Variants in AP3S1 observed in about 807,000 individuals in gnomAD.
AP3S1 encodes the protein AP-3 complex subunit sigma-1.
A neutral mutation model predicts 21.3 loss-of-function variants in AP3S1; 12 were observed. The observed-to-expected ratio is 0.56, with a 90% CI of 0.36 to 0.91. AP3S1 has a LOEUF of 0.91. Ranked by LOEUF, AP3S1 falls within the 40% of genes least tolerant of loss-of-function variation. The probability of loss-of-function intolerance (pLI) is 0.01; values close to 1 mark genes in which losing one functional copy is unlikely to be tolerated. For synonymous variants in AP3S1, 48 were observed against 78.4 expected (o/e 0.61, Z 2.05); for missense variants, 116 against 225.0 (o/e 0.52, Z 3.10).
At chr5:115,873,938 T>C (rs1188084791) in intron 3 of AP3S1, among the ~76,000 whole-genome samples, 1 of 152,156 alleles carries the variant, frequency 6.6e-6, no homozygotes, top group Non-Finnish European at 1.5e-5. Flanking sequence ...ACCATTCATA[T>C]AACTGGAAGC....
chr5:115,877,264 G>A (rs1034125243), intron 3 of AP3S1, among the ~76,000 whole-genome samples: 1 of 151,978 alleles, frequency 6.6e-6, no homozygotes, highest in African/African-American at 2.4e-5. Flanking sequence ...GTATACACAT[G>A]CCATGGTGGT....
intron 1 of AP3S1, among the ~76,000 whole-genome samples, chr5:115,865,602 A>G (rs886614876): frequency 2.6e-5 from 4 of 152,106 alleles, no homozygotes; most frequent in African/African-American, 9.7e-5. Flanking sequence ...CGTTGTCAAC[A>G]TTTTTTACTA....
At chr5:115,849,676 G>GCT (rs1762298027) in intron 1 of AP3S1, among the ~76,000 whole-genome samples, 1 of 152,164 alleles carries the variant, frequency 6.6e-6, no homozygotes, top group African/African-American at 2.4e-5. Flanking sequence ...GGGCAGTGAG[G>GCT]CTCTCCTCTG....
chr5:115,853,694 T>C (rs1321611842), intron 1 of AP3S1, among the ~76,000 whole-genome samples: 1 of 152,164 alleles, frequency 6.6e-6, no homozygotes, highest in Non-Finnish European at 1.5e-5. Context: ...TTTAGTTGTT[T>C]GAGCACCATT....
chr5:115,861,854 T>TC (rs1461304111), intron 1 of AP3S1, among the ~76,000 whole-genome samples: 23 of 140,146 alleles, frequency 1.6e-4, no homozygotes, highest in African/African-American at 2.1e-4. Context: ...GCCAAAATTT[T>TC]CTTTTCTTTT....
chr5:115,883,530 AC>A (rs1725861361), intron 3 of AP3S1, among the ~76,000 whole-genome samples: 1 of 152,072 alleles, frequency 6.6e-6, no homozygotes, highest in South Asian at 2.1e-4. Flanking sequence ...TTTGTTGGCT[AC>A]ACTCGCTATC....
intron 1 of AP3S1, among the ~76,000 whole-genome samples, chr5:115,849,814 T>C (rs1463703133): frequency 1.3e-5 from 2 of 151,904 alleles, no homozygotes; most frequent in Non-Finnish European, 2.9e-5. Flanking sequence ...TCCCAGCTAC[T>C]TGGGAGGGTA....
Position 115,852,051 on chromosome 5 carries a change from A to G in AP3S1, c.69+9945A>G, listed in dbSNP as rs552377788. ...CTTAGTAACTGCTGTGTAAATAATA[A>G]TGATTACTTTTATTACTGCTTGTTA... On this transcript the variant is annotated intron_variant, in intron 1 of 5. Transcript: ENST00000316788. Among the ~76,000 whole-genome samples, 5 of 152,282 alleles carry G rather than the reference A, an allele frequency of 3.3e-5. 1 individual carries two copies. The highest frequency in any genetic ancestry group is 1.2e-4 in the African/African-American group (5 of 41,576).
intron 1 of AP3S1, among the ~76,000 whole-genome samples, chr5:115,848,842 T>C (rs891994925): frequency 2.0e-5 from 3 of 152,208 alleles, no homozygotes; most frequent in Non-Finnish European, 2.9e-5. Flanking sequence ...TCCTTTGAAG[T>C]ACAATATAGT....
intron 1 of AP3S1, among the ~76,000 whole-genome samples, chr5:115,860,204 C>A (rs1763074344): frequency 6.6e-6 from 1 of 152,212 alleles, no homozygotes; most frequent in South Asian, 2.1e-4. Context: ...GTCACATCTC[C>A]CTCTGACCAC....
intron 2 of AP3S1, among the ~76,000 whole-genome samples, chr5:115,868,118 A>G (rs1242436841): frequency 6.6e-6 from 1 of 152,188 alleles, no homozygotes; most frequent in Non-Finnish European, 1.5e-5. Context: ...CATTCTGTAC[A>G]GGAATTTTTG....
intron 1 of AP3S1, among the ~76,000 whole-genome samples, chr5:115,861,180 A>G (rs200224088): frequency 6.6e-6 from 1 of 152,208 alleles, no homozygotes; most frequent in Admixed American, 6.5e-5. Flanking sequence ...GAGTCAGGAA[A>G]GACTTCATAG....
At chr5:115,861,591 G>A (rs542917811) in intron 1 of AP3S1, among the ~76,000 whole-genome samples, 1 of 152,150 alleles carries the variant, frequency 6.6e-6, no homozygotes, top group East Asian at 1.9e-4. Context: ...GTCTTGCTCT[G>A]TCATCCAGAC....
intron 3 of AP3S1, among the ~76,000 whole-genome samples, chr5:115,877,024 T>C (rs1461487425): frequency 2.6e-5 from 4 of 152,204 alleles, no homozygotes; most frequent in Non-Finnish European, 4.4e-5. Flanking sequence ...GTAAATATAC[T>C]TTTTCTAGTC....
intron 2 of AP3S1, among the ~76,000 whole-genome samples, chr5:115,867,354 A>G (rs1747775231): frequency 1.3e-5 from 2 of 152,302 alleles, no homozygotes; most frequent in Non-Finnish European, 2.9e-5. Context: ...CTGTTTTTCA[A>G]ATATACCTAA....
intron 1 of AP3S1, among the ~76,000 whole-genome samples, chr5:115,844,014 G>A (rs1207093852): frequency 6.6e-6 from 1 of 152,196 alleles, no homozygotes; most frequent in Admixed American, 6.5e-5. Context: ...GAATCTGGTG[G>A]TCACTGGCCG....
chr5:115,861,645 C>T (rs1467940315), intron 1 of AP3S1, among the ~76,000 whole-genome samples: 4 of 152,006 alleles, frequency 2.6e-5, no homozygotes, highest in Non-Finnish European at 5.9e-5. Flanking sequence ...ACCTCCACCT[C>T]CCAGGCTCAA....
intron 3 of AP3S1, among the ~76,000 whole-genome samples, chr5:115,890,055 C>T (rs1160585993): frequency 6.6e-6 from 1 of 152,068 alleles, no homozygotes; most frequent in Non-Finnish European, 1.5e-5. Context: ...TATTTAAAGT[C>T]TAAGTGCGTA....
At position 115,912,449 on chromosome 5, in the gene AP3S1, A is replaced by T. The variant is rs191720467; in HGVS notation, c.454-913A>T. Among the ~76,000 whole-genome samples, 259 of 152,138 alleles carry T rather than the reference A, an allele frequency of 1.7e-3. 1 individual carries two copies. Among genetic ancestry groups the T allele is most frequent in the Non-Finnish European group, 3.1e-3 (210 of 67,870 alleles). ...AACGTAGGTGAGAAAAATGATATGTATGCATTTTCTTTTATTTGTAAGCAT... is the reference window on the plus strand; with the variant it reads ...AACGTAGGTGAGAAAAATGATATGTTTGCATTTTCTTTTATTTGTAAGCAT... On this transcript the variant is annotated intron_variant, in intron 5 of 5. Coordinates refer to ENST00000316788, the MANE Select transcript of AP3S1 (RefSeq NM_001284.4).
Sources: allele counts gnomAD v4.1 joint callset (sites outside exome capture counted in the v4.1 genomes callset), GRCh38; gene constraint gnomAD v4.1.1; transcripts MANE v1.5; gene names NCBI Gene and HGNC (gene_info 2026-07-23, HGNC 2026-07-21).